Variants in TDG observed in about 807,000 individuals in gnomAD.
TDG encodes the protein thymine DNA glycosylase.
A neutral mutation model predicts 46.1 loss-of-function variants in TDG; 23 were observed. That is an observed-to-expected ratio of 0.50 (90% CI 0.36 to 0.71). TDG has a LOEUF of 0.71. Ranked by LOEUF, TDG falls within the 30% of genes least tolerant of loss-of-function variation. The pLI is 0.00. For missense variants in TDG, 304 were observed against 486.7 expected (o/e 0.62, Z 3.53); for synonymous variants, 115 against 161.3 (o/e 0.71, Z 2.18).
chr12:103,976,239 G>A (rs540669016), intron 1 of TDG, among the ~76,000 whole-genome samples: 3 of 151,944 alleles, frequency 2.0e-5, no homozygotes, highest in Non-Finnish European at 4.4e-5. Context: ...ACCCTGTCTA[G>A]ACAAAAATTA....
rs560521029 is a variant in TDG, at chr12:103,971,496, C to T, written c.24-5422C>T. Among the ~76,000 whole-genome samples the T allele has an allele frequency of 3.3e-5, 5 of 152,272 alleles. No homozygotes were observed. In the East Asian group the frequency reaches 7.7e-4, roughly 23 times the overall value. On this transcript the variant is annotated intron_variant, in intron 1 of 9. Coordinates refer to ENST00000392872, the MANE Select transcript of TDG (RefSeq NM_003211.6). ...ACTTGAACCCAGGAGGCAGAGGTTG[C>T]AGTGAGCCGAGATCATGCCATTGCA...
At chr12:103,984,591 T>C (rs1056863128) in intron 7 of TDG, among the ~76,000 whole-genome samples, 158 bp from the exon 8 acceptor site, 1 of 152,216 alleles carries the variant, frequency 6.6e-6, no homozygotes, top group African/African-American at 2.4e-5. Flanking sequence ...TATTACAAAT[T>C]CAACCTTAAA....
chr12:103,974,387 C>A (rs1191072439), intron 1 of TDG, among the ~76,000 whole-genome samples: 3 of 152,108 alleles, frequency 2.0e-5, no homozygotes, highest in African/African-American at 7.2e-5. Flanking sequence ...GGCAATCCTC[C>A]TGCCTCACCC....
chr12:103,976,250 C>A (rs1871530922), intron 1 of TDG, among the ~76,000 whole-genome samples: 1 of 151,982 alleles, frequency 6.6e-6, no homozygotes, highest in Non-Finnish European at 1.5e-5. Context: ...ACAAAAATTA[C>A]AAAAATTAGC....
intron 1 of TDG, among the ~76,000 whole-genome samples, chr12:103,972,559 AAACT>A (rs1871333677): frequency 6.6e-6 from 1 of 152,252 alleles, no homozygotes; most frequent in Non-Finnish European, 1.5e-5. Context: ...TGAGGTAAAC[AAACT>A]AAGTTTAATG....
intron 2 of TDG, among the ~76,000 whole-genome samples, chr12:103,979,222 C>CT (rs1871695477): frequency 6.7e-6 from 1 of 149,970 alleles, no homozygotes; most frequent in African/African-American, 2.4e-5. Flanking sequence ...CCTGCCTCAG[C>CT]TTCCCGAGTA....
At chr12:103,981,226 C>CTTT (rs11314473) in intron 4 of TDG, among the ~76,000 whole-genome samples, 15 of 69,416 alleles carry the variant, frequency 2.2e-4, no homozygotes, top group Non-Finnish European at 3.5e-4. Context: ...AGTTGTACTA[C>CTTT]TTTTTTTTTT....
intron 2 of TDG, among the ~76,000 whole-genome samples, chr12:103,977,985 C>T (rs1381774261): frequency 1.3e-5 from 2 of 151,996 alleles, no homozygotes; most frequent in African/African-American, 4.8e-5. Flanking sequence ...ATCCTGGAGG[C>T]GGAGGCTGAG....
chr12:103,976,875 G>C (rs754654548), intron 1 of TDG, 43 bp from the exon 2 acceptor site: 15 of 1,606,186 alleles, frequency 9.3e-6, no homozygotes, highest in Non-Finnish European at 1.3e-5. Context: ...ATTTACATTT[G>C]GGTAATTTTA....
Position 103,983,125 on chromosome 12 carries a change from T to C in TDG, c.615-11T>C. 6.4e-7 allele frequency: 1 copy of C among 1,569,584 alleles called. No homozygotes were observed. On this transcript the variant is annotated splice_polypyrimidine_tract_variant and intron_variant, in intron 5 of 9. Transcript: ENST00000392872. Reference sequence around the variant, plus strand: ...ATTTATATTTTTGACTACTTTTTAATTCAATTTTAGTAAAGAATTTCGTGA... The same window carrying C: ...ATTTATATTTTTGACTACTTTTTAACTCAATTTTAGTAAAGAATTTCGTGA...
chr12:103,983,280 T>C lies in TDG; in HGVS notation c.698-15T>C. The C allele has an allele frequency of 6.4e-7, 1 of 1,571,816 alleles. No individual in the cohort carries two copies. Among genetic ancestry groups the C allele is most frequent in the Non-Finnish European group, 8.6e-7 (1 of 1,163,672 alleles). On this transcript the variant is annotated splice_polypyrimidine_tract_variant and intron_variant, in intron 6 of 9. Transcript: ENST00000392872. ...ACATTATGGGCAATGTAAATATGTT[T>C]GTATTTCATTTTAGGTATTTATGAA...
chr12:103,983,792 C>T (rs957335782), intron 7 of TDG, among the ~76,000 whole-genome samples: 2 of 152,196 alleles, frequency 1.3e-5, no homozygotes, highest in African/African-American at 4.8e-5. Context: ...TATCTTAGCT[C>T]AACTTCATTT....
chr12:103,973,181 T>C (rs1484546548), intron 1 of TDG: 16 of 615,870 alleles, frequency 2.6e-5, no homozygotes, highest in Non-Finnish European at 3.4e-5. Context: ...ACCTCCTGGG[T>C]TCAAGCGATT....
rs1234703154 is a variant in TDG at position 103,982,946 on chromosome 12, G to A, written c.614+12G>A. On this transcript the variant is annotated intron_variant, in intron 5 of 9. Coordinates refer to ENST00000392872, the MANE Select transcript of TDG (RefSeq NM_003211.6). ...AAAGATCTCTCCAGGTAAGTACACA[G>A]CATTTGCTTTTATGGGTTGGAACCT... The A allele has an allele frequency of 6.2e-7, 1 of 1,613,168 alleles. No homozygotes were observed. Among genetic ancestry groups the A allele is most frequent in the Admixed American group, 1.7e-5 (1 of 59,830 alleles).
intron 1 of TDG, among the ~76,000 whole-genome samples, chr12:103,968,271 G>A (rs1048572642): frequency 2.6e-5 from 4 of 152,126 alleles, no homozygotes; most frequent in African/African-American, 9.7e-5. Context: ...TACCGAAGAT[G>A]GAAAATAGGA....
rs763419583 is a variant in TDG at position 103,984,785 on chromosome 12, G to T, written c.829G>T (p.Ala277Ser). The change falls in exon 8 of 10, where the codon GCT (alanine) becomes TCT (serine). Residue 277 changes from alanine to serine, a missense_variant. Ala to Ser is a moderately conservative substitution (Grantham distance 99). Transcript: ENST00000392872. ...TATGCCATCATCCAGTGCAAGATGT[G>T]CTCAGTTTCCTCGAGCCCAAGACAA... The part of the protein sequence containing the change: ...YVMPSSSARC[A>S]QFPRAQDKVH... 1.2e-6 allele frequency: 2 copies of T among 1,612,478 alleles called. No individual in the cohort carries two copies. The highest frequency in any genetic ancestry group is 1.7e-5 in the Admixed American group (1 of 60,004).
chr12:103,985,049 G>A (rs566564641), intron 8 of TDG, 129 bp downstream of exon 8: 149 of 515,546 alleles, frequency 2.9e-4, no homozygotes, highest in South Asian at 5.8e-4. Flanking sequence ...ATATGCACAC[G>A]TGTATATATA....
chr12:103,985,586 T>G lies in TDG; in HGVS notation c.965-17T>G. 2 of 1,199,682 alleles carry G rather than the reference T, an allele frequency of 1.7e-6. 1 individual carries two copies. The highest frequency in any genetic ancestry group is 5.0e-5 in the South Asian group (2 of 40,022). The allele number at this position is 1,199,682 out of a possible 1,614,324, so 74.3% of individuals were successfully genotyped here. On this transcript the variant is annotated splice_polypyrimidine_tract_variant and intron_variant, in intron 8 of 9. Coordinates refer to ENST00000392872, the MANE Select transcript of TDG (RefSeq NM_003211.6). The stretch of plus-strand genomic sequence containing the variant: ...TTGTACAAAATCAGATTTAAATCCT[T>G]TTTACCTTCCTCACAGAGGATGCAA...
chr12:103,981,460 C>G (rs531159096), intron 4 of TDG, among the ~76,000 whole-genome samples: 1 of 151,916 alleles, frequency 6.6e-6, no homozygotes, highest in Admixed American at 6.6e-5. Flanking sequence ...GTCTCGAACT[C>G]CCGGCCTCAG....
Sources: allele counts gnomAD v4.1 joint callset (sites outside exome capture counted in the v4.1 genomes callset), GRCh38; gene constraint gnomAD v4.1.1; transcripts MANE v1.5; gene names NCBI Gene and HGNC (gene_info 2026-07-23, HGNC 2026-07-21).